The following RIMS1 variants were observed in gnomAD, a reference collection of about 807,000 sequenced individuals.
RIMS1 encodes the protein regulating synaptic membrane exocytosis 1.
In RIMS1, 83 loss-of-function variants were observed where a neutral mutation model predicts 214.1. The observed-to-expected ratio is 0.39, with a 90% CI of 0.32 to 0.47. The LOEUF (loss-of-function observed/expected upper bound fraction) is 0.47, where lower values mean the gene tolerates loss of function less well. RIMS1 is among the 20% of genes least tolerant of loss of function. The probability of loss-of-function intolerance (pLI) is 0.99; values close to 1 mark genes in which losing one functional copy is unlikely to be tolerated. For synonymous variants in RIMS1, 793 were observed against 786.8 expected, an observed-to-expected ratio of 1.01 and a Z score of -0.13; for missense variants, 2,050 against 2,161.8, an observed-to-expected ratio of 0.95 and a Z score of 1.03.
At chr6:72,150,224 C>T (rs925512233) in intron 4 of RIMS1, among the ~76,000 whole-genome samples, 2 of 150,442 alleles carry the variant, frequency 1.3e-5, no homozygotes, top group Non-Finnish European at 3.0e-5. Context: ...AAAGGCCAGT[C>T]AAAGGTGGGC....
chr6:72,201,989 C>A (rs2052070454), intron 6 of RIMS1, among the ~76,000 whole-genome samples: 1 of 152,222 alleles, frequency 6.6e-6, no homozygotes, highest in South Asian at 2.1e-4. Flanking sequence ...CATACTTATT[C>A]ATACCTCGTG....
intron 2 of RIMS1, among the ~76,000 whole-genome samples, chr6:72,076,647 A>C (rs530016983): frequency 3.9e-5 from 6 of 152,308 alleles, no homozygotes; most frequent in East Asian, 3.9e-4. Context: ...AGTGTTACAG[A>C]GCTAGTAAGT....
chr6:72,317,065 G>A (rs1593204041), intron 28 of RIMS1: 2 of 417,922 alleles, frequency 4.8e-6, no homozygotes, highest in South Asian at 4.1e-5. Context: ...CCTCTCAGAG[G>A]AGGGCAGGGG....
intron 31 of RIMS1, among the ~76,000 whole-genome samples, chr6:72,394,062 T>A (rs1188497606): frequency 1.3e-5 from 2 of 148,844 alleles, no homozygotes; most frequent in African/African-American, 4.9e-5. Context: ...AAAAAACAAA[T>A]GCTTCCTCAC....
chr6:72,024,575 G>T (rs935938129), intron 2 of RIMS1, among the ~76,000 whole-genome samples: 5 of 152,076 alleles, frequency 3.3e-5, no homozygotes, highest in Non-Finnish European at 5.9e-5. Context: ...GTCAGCAATG[G>T]CTTCTTTACA....
Position 72,179,973 on chromosome 6 carries a change from G to A in RIMS1, c.812+58G>A, listed in dbSNP as rs575603821. Reference sequence around the variant, plus strand: ...AAGATTTTGCTAGGAGAGCAAAGCCGTTTTCAAGAATTTAACTTCTATTAC... The same window carrying A: ...AAGATTTTGCTAGGAGAGCAAAGCCATTTTCAAGAATTTAACTTCTATTAC... On this transcript the variant is annotated intron_variant, in intron 5 of 33. Coordinates refer to ENST00000521978, the MANE Select transcript of RIMS1 (RefSeq NM_014989.7). 202 of 1,171,572 alleles carry A rather than the reference G, an allele frequency of 1.7e-4. 2 individuals carry two copies. In the South Asian group the frequency reaches 4.1e-3, roughly 24 times the overall value. 72.6% of individuals were successfully genotyped at this position (1,171,572 alleles called of 1,614,324 possible).
At chr6:72,249,510 A>G (rs1157964761) in intron 12 of RIMS1, among the ~76,000 whole-genome samples, 1 of 152,172 alleles carries the variant, frequency 6.6e-6, no homozygotes, top group Non-Finnish European at 1.5e-5. Context: ...AAATTAAATG[A>G]CGGCTTGGTG....
chr6:72,356,587 C>T (rs903097761), intron 29 of RIMS1, among the ~76,000 whole-genome samples: 23 of 151,864 alleles, frequency 1.5e-4, no homozygotes, highest in African/African-American at 5.3e-4. Flanking sequence ...GATGAAACCC[C>T]ATCTCTACTA....
chr6:72,001,567 A>G (rs958824865), intron 2 of RIMS1, among the ~76,000 whole-genome samples: 1 of 152,174 alleles, frequency 6.6e-6, no homozygotes, highest in African/African-American at 2.4e-5. Context: ...ATCTAATGTG[A>G]TCGTATTATA....
intron 6 of RIMS1, among the ~76,000 whole-genome samples, chr6:72,209,548 G>A (rs1020007272): frequency 5.3e-5 from 8 of 152,064 alleles, no homozygotes; most frequent in South Asian, 2.1e-4. Context: ...GTATGCAATC[G>A]GAATTTACTG....
chr6:72,352,714 A>G (rs776518852), intron 29 of RIMS1, among the ~76,000 whole-genome samples: 5 of 152,160 alleles, frequency 3.3e-5, no homozygotes, highest in African/African-American at 4.8e-5. Flanking sequence ...TAAAAGGGAA[A>G]TGGAGAACAT....
Position 72,237,813 on chromosome 6 carries a change from A to G in RIMS1, c.1858-10A>G, listed in dbSNP as rs1275140115. The G allele has an allele frequency of 3.8e-6, 6 of 1,599,060 alleles. No homozygotes were observed. The highest frequency in any genetic ancestry group is 1.3e-5 in the African/African-American group (1 of 74,586). ...GAGTCTTGGAAACTTATAAATTTGT[A>G]ATTATCCAGGTTGTTGGAGGAAAAA... is the stretch of plus-strand genomic sequence containing the variant. On this transcript the variant is annotated splice_polypyrimidine_tract_variant and intron_variant, in intron 8 of 33. Transcript: ENST00000521978.
chr6:72,249,617 A>G (rs923596863), intron 12 of RIMS1, among the ~76,000 whole-genome samples: 1 of 152,106 alleles, frequency 6.6e-6, no homozygotes, highest in South Asian at 2.1e-4. Flanking sequence ...CAAAAAATTT[A>G]AAAAACTGGC....
intron 22 of RIMS1, among the ~76,000 whole-genome samples, chr6:72,267,644 C>T (rs1344309759): frequency 2.6e-5 from 4 of 152,116 alleles, no homozygotes; most frequent in Non-Finnish European, 5.9e-5. Context: ...TTACGGTGCT[C>T]ATTGGCTTCA....
chr6:71,998,275 G>C (rs767803488), intron 2 of RIMS1, among the ~76,000 whole-genome samples: 4 of 152,170 alleles, frequency 2.6e-5, no homozygotes, highest in Non-Finnish European at 4.4e-5. Flanking sequence ...TGCTCTCCTG[G>C]ACATGTGCAT....
Position 72,297,782 on chromosome 6 carries a change from G to A in RIMS1, c.3850+5736G>A, listed in dbSNP as rs528493338. Among the ~76,000 whole-genome samples the A allele has an allele frequency of 2.1e-3, 315 of 152,100 alleles. 4 individuals are homozygous for A. Among genetic ancestry groups the A allele is most frequent in the African/African-American group, 6.9e-3 (288 of 41,556 alleles). Reference sequence around the variant, plus strand: ...AGATAACACAGTTTAGCCACTGAACGTGGCTCTCAAAACTTTGAAAGAATA... The same window carrying A: ...AGATAACACAGTTTAGCCACTGAACATGGCTCTCAAAACTTTGAAAGAATA... On this transcript the variant is annotated intron_variant, in intron 26 of 33. Transcript: ENST00000521978.
At chr6:72,321,458 A>G (rs2096157471) in intron 28 of RIMS1, among the ~76,000 whole-genome samples, 1 of 152,136 alleles carries the variant, frequency 6.6e-6, no homozygotes, top group Admixed American at 6.6e-5. Context: ...TTAACTGGTT[A>G]CTTGTAAAAC....
At chr6:72,005,737 C>A (rs1807282982) in intron 2 of RIMS1, among the ~76,000 whole-genome samples, 1 of 152,186 alleles carries the variant, frequency 6.6e-6, no homozygotes, top group Non-Finnish European at 1.5e-5. Context: ...CTGGATGGCT[C>A]TTCTGAGCTT....
At chr6:72,184,444 A>G (rs188070039) in intron 6 of RIMS1, among the ~76,000 whole-genome samples, 19 of 152,326 alleles carry the variant, frequency 1.2e-4, no homozygotes, top group African/African-American at 4.6e-4. Context: ...AAAAACTTTT[A>G]TCTTGCCTTA....
Sources: gnomAD v4.1 joint callset for allele counts (sites outside exome capture counted in the v4.1 genomes callset) on GRCh38, gnomAD v4.1.1 for gene constraint, MANE v1.5 for transcripts, NCBI Gene and HGNC (gene_info 2026-07-23, HGNC 2026-07-21) for gene names.